ZC3H12C: variants seen among roughly 807,000 people sequenced by gnomAD.
The protein encoded by ZC3H12C is zinc finger CCCH-type containing 12C, also known as probable ribonuclease ZC3H12C.
ZC3H12C carries 20 observed loss-of-function variants against 76.3 expected under a neutral mutation model. That is an observed-to-expected ratio of 0.26 (90% CI 0.18 to 0.38). The LOEUF is 0.38. Among genes scored for constraint, ZC3H12C ranks in the 10% least tolerant of loss-of-function variants. The probability of loss-of-function intolerance (pLI) is 1.00; values close to 1 mark genes in which losing one functional copy is unlikely to be tolerated. For synonymous variants in ZC3H12C, 352 were observed against 399.6 expected, an observed-to-expected ratio of 0.88 and a Z score of 1.42; for missense variants, 874 against 1,086.5, an observed-to-expected ratio of 0.80 and a Z score of 2.75.
intron 2 of ZC3H12C, among the ~76,000 whole-genome samples, chr11:110,141,515 G>A (rs1287532773): frequency 6.6e-6 from 1 of 152,084 alleles, no homozygotes; most frequent in Non-Finnish European, 1.5e-5. Context: ...TGTTTGGTTG[G>A]TTTTGCTCTC....
rs561874079 is a variant in ZC3H12C at position 110,115,146 on chromosome 11, A to C, written c.22-21517A>C. Among the ~76,000 whole-genome samples, 31 of 152,214 alleles carry C rather than the reference A, an allele frequency of 2.0e-4. No homozygotes were observed. In the South Asian group the frequency reaches 3.7e-3, roughly 18 times the overall value. On this transcript the variant is annotated intron_variant, in intron 1 of 5. Transcript: ENST00000278590. ...TTTAGAGACAGGGTCTCACACTGTCATCCAGGCTGGAGTACAGTGGCACGA... is the reference window on the plus strand; with the variant it reads ...TTTAGAGACAGGGTCTCACACTGTCCTCCAGGCTGGAGTACAGTGGCACGA...
chr11:110,148,060 A>G (rs1347973830), intron 2 of ZC3H12C, among the ~76,000 whole-genome samples: 1 of 152,246 alleles, frequency 6.6e-6, no homozygotes, highest in African/African-American at 2.4e-5. Flanking sequence ...CAGAAGGAGC[A>G]ACAGCAGAAA....
chr11:110,093,602 G>T (rs1861052472), intron 1 of ZC3H12C, among the ~76,000 whole-genome samples, 170 bp downstream of exon 1: 2 of 151,784 alleles, frequency 1.3e-5, no homozygotes, highest in Admixed American at 1.3e-4. Context: ...GGCTCCGGAG[G>T]TCGAGTCACC....
At chr11:110,142,955 G>T (rs1862093524) in intron 2 of ZC3H12C, among the ~76,000 whole-genome samples, 1 of 152,186 alleles carries the variant, frequency 6.6e-6, no homozygotes, top group Non-Finnish European at 1.5e-5. Context: ...TATAACAAGG[G>T]ACATGGATTT....
intron 1 of ZC3H12C, among the ~76,000 whole-genome samples, chr11:110,128,152 A>G (rs1201399642): frequency 1.3e-5 from 2 of 150,396 alleles, no homozygotes; most frequent in African/African-American, 4.9e-5. Flanking sequence ...ATAAGTGTGC[A>G]TTGTGCTCAG....
intron 2 of ZC3H12C, among the ~76,000 whole-genome samples, chr11:110,140,801 C>T (rs969161700): frequency 1.3e-5 from 2 of 152,082 alleles, no homozygotes; most frequent in East Asian, 1.9e-4. Flanking sequence ...GATCCATGCT[C>T]GTATTTTCTC....
Position 110,151,633 on chromosome 11 carries a change from AT to A in ZC3H12C, c.774-1285del, listed in dbSNP as rs1862271928. 3.3e-5 allele frequency among the ~76,000 whole-genome samples: 5 copies of A among 152,260 alleles called. No homozygotes were observed. The South Asian group carries it at 1.0e-3, about 32-fold the overall frequency. ...ATTTCATTATTTTCCATGAAACCTAATATCACTTTGTACCTTTTGATGGTGC... is the reference window on the plus strand; with the variant it reads ...ATTTCATTATTTTCCATGAAACCTAAATCACTTTGTACCTTTTGATGGTGC... On this transcript the variant is annotated intron_variant, in intron 2 of 5. Coordinates refer to ENST00000278590, the MANE Select transcript of ZC3H12C (RefSeq NM_033390.2).
At chr11:110,137,439 A>G in intron 2 of ZC3H12C, 25 bp downstream of exon 2, 1 of 1,553,462 alleles carries the variant, frequency 6.4e-7, no homozygotes, top group Non-Finnish European at 8.6e-7. Context: ...CGTTACTGAA[A>G]ATTACTACCA....
At chr11:110,155,537 G>GA (rs34242014) in intron 3 of ZC3H12C, among the ~76,000 whole-genome samples, 102,959 of 150,028 alleles carry the variant, frequency 0.69, 35,962 homozygotes, top group East Asian at 0.78. Flanking sequence ...ATTTAGAATA[G>GA]AAAAAAAAAA....
chr11:110,152,429 A>G (rs1209735332), intron 2 of ZC3H12C, among the ~76,000 whole-genome samples: 2 of 152,234 alleles, frequency 1.3e-5, no homozygotes, highest in Non-Finnish European at 2.9e-5. Context: ...CACCTGATAA[A>G]GTTTGTGCAG....
intron 1 of ZC3H12C, among the ~76,000 whole-genome samples, chr11:110,096,756 C>G (rs1181020758): frequency 1.3e-5 from 2 of 152,206 alleles, no homozygotes; most frequent in Non-Finnish European, 2.9e-5. Flanking sequence ...AGACGAGAAG[C>G]CTTTCCTCTG....
At chr11:110,099,962 G>A (rs1861182329) in intron 1 of ZC3H12C, among the ~76,000 whole-genome samples, 1 of 151,176 alleles carries the variant, frequency 6.6e-6, no homozygotes, top group Admixed American at 6.6e-5. Flanking sequence ...TTTCTTTTCT[G>A]CTTTCTGTCT....
chr11:110,160,317 A>G (rs1466736799), intron 4 of ZC3H12C, among the ~76,000 whole-genome samples: 2 of 152,208 alleles, frequency 1.3e-5, no homozygotes, highest in Admixed American at 6.5e-5. Context: ...TGCCAAATTT[A>G]TCAAAAAATA....
At chr11:110,108,449 T>C (rs1861371164) in intron 1 of ZC3H12C, among the ~76,000 whole-genome samples, 2 of 152,260 alleles carry the variant, frequency 1.3e-5, no homozygotes, top group African/African-American at 2.4e-5. Flanking sequence ...GATATCATGA[T>C]AGCATGAGGT....
chr11:110,168,554 G>C lies in ZC3H12C; in HGVS notation c.*2817G>C, dbSNP rs530946867. The stretch of plus-strand genomic sequence containing the variant: ...GAGAGATGTGTTAATAAGTGAAGTT[G>C]CCAGAAATGGTCAACTGATCGGAAA... On this transcript the variant is annotated 3_prime_UTR_variant, in exon 6 of 6. Coordinates refer to ENST00000278590, the MANE Select transcript of ZC3H12C (RefSeq NM_033390.2). 7 of 152,254 alleles carry C rather than the reference G, an allele frequency of 4.6e-5. No individual in the cohort carries two copies. The East Asian group carries it at 1.3e-3, about 29-fold the overall frequency. The allele number at this position is 152,254 out of a possible 1,614,324, so 9.4% of individuals were successfully genotyped here.
At chr11:110,122,860 C>A (rs1442447568) in intron 1 of ZC3H12C, among the ~76,000 whole-genome samples, 3 of 152,072 alleles carry the variant, frequency 2.0e-5, no homozygotes, top group Non-Finnish European at 4.4e-5. Flanking sequence ...AGACATAACC[C>A]CATTGTAAAT....
At chr11:110,098,564 G>A (rs1861156408) in intron 1 of ZC3H12C, among the ~76,000 whole-genome samples, 1 of 152,182 alleles carries the variant, frequency 6.6e-6, no homozygotes, top group South Asian at 2.1e-4. Context: ...GCAACTTCTA[G>A]TCTTACAAGC....
At chr11:110,155,347 C>A (rs1179259606) in intron 3 of ZC3H12C, among the ~76,000 whole-genome samples, 1 of 151,802 alleles carries the variant, frequency 6.6e-6, no homozygotes, top group Non-Finnish European at 1.5e-5. Context: ...GCATTCAGTG[C>A]CCTGAAGCAG....
chr11:110,127,371 A>C (rs2134167887), intron 1 of ZC3H12C, among the ~76,000 whole-genome samples: 1 of 152,318 alleles, frequency 6.6e-6, no homozygotes, highest in East Asian at 1.9e-4. Context: ...CTGACTTCCT[A>C]AATATAATAA....
Sources: allele counts gnomAD v4.1 joint callset (sites outside exome capture counted in the v4.1 genomes callset), GRCh38; gene constraint gnomAD v4.1.1; transcripts MANE v1.5; gene names NCBI Gene and HGNC (gene_info 2026-07-23, HGNC 2026-07-21).